ADAM18: variants seen among roughly 807,000 people sequenced by gnomAD.
ADAM18 encodes ADAM metallopeptidase domain 18.
In ADAM18, 117 loss-of-function variants were observed where a neutral mutation model predicts 94.4. The observed-to-expected ratio is 1.24, with a 90% CI of 1.07 to 1.45. The LOEUF (loss-of-function observed/expected upper bound fraction) is 1.45, where lower values mean the gene tolerates loss of function less well. ADAM18 is among the 40% of genes most tolerant of loss of function. The pLI is 0.00. For synonymous variants in ADAM18, 327 were observed against 291.6 expected (o/e 1.12, Z -1.24); for missense variants, 936 against 880.0 (o/e 1.06, Z -0.81).
intron 16 of ADAM18, among the ~76,000 whole-genome samples, chr8:39,685,659 A>G (rs1821589752): frequency 6.6e-6 from 1 of 152,166 alleles, no homozygotes. Context: ...CATTCTTTAC[A>G]ACATGGCTGG....
At chr8:39,610,030 A>T (rs2129578469) in intron 5 of ADAM18, among the ~76,000 whole-genome samples, 1 of 152,186 alleles carries the variant, frequency 6.6e-6, no homozygotes, top group South Asian at 2.1e-4. Context: ...CATCAGGAAA[A>T]AAAGGATCCG....
intron 19 of ADAM18, among the ~76,000 whole-genome samples, chr8:39,729,664 G>A (rs918898743): frequency 8.6e-5 from 13 of 151,814 alleles, no homozygotes; most frequent in African/African-American, 2.9e-4. Context: ...TAGCTTTTTA[G>A]TTGGACTCCT....
intron 6 of ADAM18, among the ~76,000 whole-genome samples, chr8:39,625,320 G>T (rs550819213): frequency 3.3e-5 from 5 of 151,994 alleles, no homozygotes; most frequent in South Asian, 2.1e-4. Context: ...TTGAGATCTC[G>T]ATTTGATTCT....
rs533952131 is a variant in ADAM18 at position 39,648,543 on chromosome 8, T to G, written c.1230+16T>G. On this transcript the variant is annotated intron_variant, in intron 12 of 19. Transcript: ENST00000265707. ...TAATAAAAATGTGAGTAACAAAGAT[T>G]GAAACTCGAGCACAATTTTTATGTT... 12 of 1,580,718 alleles carry G rather than the reference T, an allele frequency of 7.6e-6. No homozygotes were observed. Among genetic ancestry groups the G allele is most frequent in the Admixed American group, 3.7e-5 (2 of 54,618 alleles).
chr8:39,662,107 T>C (rs1820857025), intron 12 of ADAM18, among the ~76,000 whole-genome samples: 1 of 152,004 alleles, frequency 6.6e-6, no homozygotes, highest in Non-Finnish European at 1.5e-5. Flanking sequence ...AACTCACTGG[T>C]AATCAGAGAA....
At chr8:39,646,947 G>A (rs1168350022) in intron 11 of ADAM18, among the ~76,000 whole-genome samples, 4 of 152,146 alleles carry the variant, frequency 2.6e-5, no homozygotes, top group Admixed American at 2.6e-4. Context: ...GGATCTCTCT[G>A]GAGGGTAACA....
intron 16 of ADAM18, among the ~76,000 whole-genome samples, chr8:39,683,358 G>A (rs149330249): frequency 7.4e-4 from 113 of 152,314 alleles, no homozygotes; most frequent in African/African-American, 2.7e-3. Flanking sequence ...AAAAGACCAA[G>A]CTATGCCATT....
Position 39,636,001 on chromosome 8 carries a change from G to GTTTT in ADAM18, c.589-1259_589-1256dup, listed in dbSNP as rs199533879. 6.3e-5 allele frequency among the ~76,000 whole-genome samples: 9 copies of GTTTT among 141,810 alleles called. 1 individual carries two copies. Among genetic ancestry groups the GTTTT allele is most frequent in the African/African-American group, 5.3e-5 (2 of 37,956 alleles). The allele number at this position is 141,810 out of a possible 152,430, so 93.0% of individuals were successfully genotyped here. ...TTATTTAAATATCTGTAACCATTAA[G>GTTTT]TTTTTTTGTTTTTTTTTTTTTGAGA... On this transcript the variant is annotated intron_variant, in intron 7 of 19. Coordinates refer to ENST00000265707, the MANE Select transcript of ADAM18 (RefSeq NM_014237.3).
chr8:39,647,377 G>A (rs975804727), intron 11 of ADAM18, among the ~76,000 whole-genome samples: 1 of 152,192 alleles, frequency 6.6e-6, no homozygotes, highest in Non-Finnish European at 1.5e-5. Flanking sequence ...TAACAAGGCA[G>A]CATAGCTGCC....
At chr8:39,698,395 A>G (rs975032579) in intron 17 of ADAM18, among the ~76,000 whole-genome samples, 1 of 151,886 alleles carries the variant, frequency 6.6e-6, no homozygotes, top group Non-Finnish European at 1.5e-5. Context: ...TGTAAAGTCT[A>G]TATAATTTGT....
intron 10 of ADAM18, among the ~76,000 whole-genome samples, chr8:39,639,866 G>T (rs1279060945): frequency 6.6e-6 from 1 of 151,980 alleles, no homozygotes; most frequent in Non-Finnish European, 1.5e-5. Flanking sequence ...CATAGACAGG[G>T]TTGGAGAATT....
chr8:39,623,645 G>A (rs1397129600), intron 6 of ADAM18, among the ~76,000 whole-genome samples: 1 of 152,108 alleles, frequency 6.6e-6, no homozygotes, highest in Admixed American at 6.5e-5. Context: ...CGCCCAGGCT[G>A]GAGTGCAGTG....
chr8:39,725,767 G>A (rs1822888366), intron 19 of ADAM18, among the ~76,000 whole-genome samples: 1 of 152,098 alleles, frequency 6.6e-6, no homozygotes, highest in Admixed American at 6.5e-5. Flanking sequence ...TGGACATTTA[G>A]GTTGTTACCA....
intron 12 of ADAM18, among the ~76,000 whole-genome samples, chr8:39,650,661 C>A (rs1426001173): frequency 6.6e-6 from 1 of 152,090 alleles, no homozygotes; most frequent in Non-Finnish European, 1.5e-5. Context: ...GAAAGATAAA[C>A]CATGTTCAAG....
chr8:39,700,978 C>T (rs551561928), intron 17 of ADAM18, among the ~76,000 whole-genome samples: 8 of 150,106 alleles, frequency 5.3e-5, no homozygotes, highest in Non-Finnish European at 4.5e-5. Context: ...ATTAGCCGGG[C>T]GTAGTGGCGG....
intron 17 of ADAM18, among the ~76,000 whole-genome samples, chr8:39,701,092 T>G (rs1213302600): frequency 1.1e-5 from 1 of 94,808 alleles, no homozygotes; most frequent in Non-Finnish European, 1.9e-5. Context: ...CACTCCAGCC[T>G]GGGCGACAGA....
At chr8:39,675,875 G>A (rs1821287176) in intron 14 of ADAM18, among the ~76,000 whole-genome samples, 1 of 152,126 alleles carries the variant, frequency 6.6e-6, no homozygotes, top group South Asian at 2.1e-4. Context: ...CCTTCTAATG[G>A]TCAGGTCCCT....
intron 6 of ADAM18, 152 bp from the exon 7 acceptor site, chr8:39,629,222 G>C (rs542797481): frequency 1.8e-6 from 1 of 569,704 alleles, no homozygotes; most frequent in African/African-American, 2.0e-5. Flanking sequence ...AATATGTTTT[G>C]AAGTAAAATT....
At chr8:39,642,240 CT>C (rs1171288143) in intron 10 of ADAM18, among the ~76,000 whole-genome samples, 2 of 152,054 alleles carry the variant, frequency 1.3e-5, no homozygotes, top group Non-Finnish European at 2.9e-5. Flanking sequence ...GTTTCCTATG[CT>C]GTGCAGAAGC....
Sources: allele counts gnomAD v4.1 joint callset (sites outside exome capture counted in the v4.1 genomes callset), GRCh38; gene constraint gnomAD v4.1.1; transcripts MANE v1.5; gene names NCBI Gene and HGNC (gene_info 2026-07-23, HGNC 2026-07-21).